Variants in SGMS1 observed in about 807,000 individuals in gnomAD.
SGMS1 encodes phosphatidylcholine:ceramide cholinephosphotransferase 1.
A neutral mutation model predicts 46.2 loss-of-function variants in SGMS1; 13 were observed. The observed-to-expected ratio is 0.28, with a 90% CI of 0.18 to 0.45. SGMS1 has a LOEUF of 0.45. Among genes scored for constraint, SGMS1 ranks in the 20% least tolerant of loss-of-function variants. The pLI is 1.00. For missense variants in SGMS1, 324 were observed against 519.9 expected, an observed-to-expected ratio of 0.62 and a Z score of 3.66; for synonymous variants, 203 against 187.8, an observed-to-expected ratio of 1.08 and a Z score of -0.66.
chr10:50,391,307 C>T (rs1032773311), intron 6 of SGMS1, among the ~76,000 whole-genome samples: 2 of 152,182 alleles, frequency 1.3e-5, no homozygotes, highest in South Asian at 2.1e-4. Context: ...AATACTTTTC[C>T]TTACTTGCAG....
chr10:50,541,115 A>AAAGGAC (rs1279390296), intron 2 of SGMS1, among the ~76,000 whole-genome samples: 8 of 152,224 alleles, frequency 5.3e-5, no homozygotes, highest in African/African-American at 1.9e-4. Flanking sequence ...AGACCTTGGG[A>AAAGGAC]AAGGACTTTT....
At chr10:50,528,180 G>T (rs1252815181) in intron 2 of SGMS1, among the ~76,000 whole-genome samples, 1 of 152,138 alleles carries the variant, frequency 6.6e-6, no homozygotes, top group African/African-American at 2.4e-5. Context: ...ATTCATTTAT[G>T]ATATCAATAA....
At chr10:50,592,943 G>C (rs1162039672) in intron 1 of SGMS1, among the ~76,000 whole-genome samples, 1 of 152,208 alleles carries the variant, frequency 6.6e-6, no homozygotes, top group East Asian at 1.9e-4. Flanking sequence ...CCGCCTCCCA[G>C]TATTCATGCG....
chr10:50,328,483 T>C (rs185671600), intron 7 of SGMS1, among the ~76,000 whole-genome samples: 1 of 152,346 alleles, frequency 6.6e-6, no homozygotes, highest in Admixed American at 6.5e-5. Context: ...GAAAATTTGT[T>C]TCATGTGTAT....
chr10:50,486,482 C>T (rs193041261), intron 3 of SGMS1, among the ~76,000 whole-genome samples: 11 of 152,186 alleles, frequency 7.2e-5, no homozygotes, highest in African/African-American at 2.6e-4. Flanking sequence ...AAACAAATGA[C>T]CCCATTAAAA....
chr10:50,605,218 T>A (rs1248077724), intron 1 of SGMS1, among the ~76,000 whole-genome samples: 2 of 152,076 alleles, frequency 1.3e-5, no homozygotes, highest in Non-Finnish European at 2.9e-5. Flanking sequence ...CCACCCAGAT[T>A]TGGGAAAAAA....
At chr10:50,350,145 A>G (rs1485163821) in intron 6 of SGMS1, among the ~76,000 whole-genome samples, 1 of 152,166 alleles carries the variant, frequency 6.6e-6, no homozygotes, top group Non-Finnish European at 1.5e-5. Context: ...TGGGAACTGG[A>G]GCAAAGGTAC....
intron 1 of SGMS1, among the ~76,000 whole-genome samples, chr10:50,607,589 C>T (rs943742697): frequency 2.6e-5 from 4 of 152,102 alleles, no homozygotes; most frequent in African/African-American, 9.7e-5. Flanking sequence ...CTTTTAGAGC[C>T]AAAGCTTAAG....
Position 50,438,289 on chromosome 10 carries a change from A to G in SGMS1, c.-312-4733T>C, listed in dbSNP as rs546877815. Among the ~76,000 whole-genome samples, 28 of 152,336 alleles carry G rather than the reference A, an allele frequency of 1.8e-4. No individual in the cohort carries two copies. The South Asian group carries it at 2.5e-3, about 14-fold the overall frequency. On this transcript the variant is annotated intron_variant, in intron 5 of 10. Coordinates refer to ENST00000361781, the MANE Select transcript of SGMS1 (RefSeq NM_147156.4). ...AAAATGACAGGATGTATGTGGGTAC[A>G]TTACATAAGATTGTAACATCTACTC... is the stretch of plus-strand genomic sequence containing the variant.
At chr10:50,311,490 C>T in intron 8 of SGMS1, 75 bp from the exon 9 acceptor site, 1 of 1,271,996 alleles carries the variant, frequency 7.9e-7, no homozygotes, top group Non-Finnish European at 1.0e-6. Context: ...GATTACTATT[C>T]ATATCCAGAA....
intron 7 of SGMS1, chr10:50,341,436 T>C (rs1455715552): frequency 2.2e-6 from 1 of 456,014 alleles, no homozygotes; most frequent in Admixed American, 2.3e-5. Context: ...CCCACATCCC[T>C]ATCCCGCCAG....
chr10:50,434,561 G>A (rs747574295), intron 5 of SGMS1, among the ~76,000 whole-genome samples: 15 of 152,006 alleles, frequency 9.9e-5, no homozygotes, highest in South Asian at 2.1e-4. Context: ...GGGACAGGGC[G>A]GTGTTACGGA....
At chr10:50,588,687 C>T (rs1362162494) in intron 2 of SGMS1, among the ~76,000 whole-genome samples, 1 of 150,876 alleles carries the variant, frequency 6.6e-6, no homozygotes, top group Admixed American at 6.6e-5. Context: ...TCAGCTAAGA[C>T]CTTTGATCAC....
chr10:50,442,552 T>C (rs550140188), intron 5 of SGMS1, among the ~76,000 whole-genome samples: 1 of 152,328 alleles, frequency 6.6e-6, no homozygotes, highest in East Asian at 1.9e-4. Flanking sequence ...TGTTCCATGG[T>C]ATGTATGTAC....
intron 3 of SGMS1, among the ~76,000 whole-genome samples, chr10:50,509,838 T>G (rs1837738679): frequency 6.6e-6 from 1 of 152,216 alleles, no homozygotes. Flanking sequence ...TTGATGGTAT[T>G]TAAGCCAAAG....
intron 3 of SGMS1, among the ~76,000 whole-genome samples, chr10:50,472,649 A>G (rs1227000288): frequency 6.6e-6 from 1 of 152,190 alleles, no homozygotes; most frequent in Non-Finnish European, 1.5e-5. Flanking sequence ...GAGTGCACAT[A>G]TCTCTTCTAC....
chr10:50,356,054 G>A (rs1848142162), intron 6 of SGMS1, among the ~76,000 whole-genome samples: 1 of 152,202 alleles, frequency 6.6e-6, no homozygotes, highest in Non-Finnish European at 1.5e-5. Flanking sequence ...CCCCGTCTGG[G>A]AGGTGTACCC....
chr10:50,346,656 C>T (rs1332995823), intron 6 of SGMS1, among the ~76,000 whole-genome samples: 1 of 152,088 alleles, frequency 6.6e-6, no homozygotes, highest in Admixed American at 6.5e-5. Context: ...CTGTCCTACT[C>T]CTTGCCCCTT....
At chr10:50,417,850 C>T (rs372269642) in intron 6 of SGMS1, among the ~76,000 whole-genome samples, 1 of 152,212 alleles carries the variant, frequency 6.6e-6, no homozygotes, top group East Asian at 1.9e-4. Context: ...CTGATCCTAC[C>T]CATATCCTGA....
Sources: allele counts gnomAD v4.1 joint callset (sites outside exome capture counted in the v4.1 genomes callset), GRCh38; gene constraint gnomAD v4.1.1; transcripts MANE v1.5; gene names NCBI Gene and HGNC (gene_info 2026-07-23, HGNC 2026-07-21).